The following SLC4A10 variants were observed in gnomAD, a reference collection of about 807,000 sequenced individuals.
SLC4A10 encodes solute carrier family 4 member 10, also known as sodium-driven chloride bicarbonate exchanger.
In SLC4A10, 42 loss-of-function variants were observed where a neutral mutation model predicts 137.7. The ratio of observed to expected loss-of-function variants is 0.30; its 90% CI spans 0.24 to 0.39. The LOEUF (loss-of-function observed/expected upper bound fraction) is 0.39. Among genes scored for constraint, SLC4A10 ranks in the 10% least tolerant of loss-of-function variants. The pLI is 1.00. For missense variants in SLC4A10, 925 were observed against 1,355.0 expected, an observed-to-expected ratio of 0.68 and a Z score of 4.98; for synonymous variants, 474 against 464.1, an observed-to-expected ratio of 1.02 and a Z score of -0.27.
intron 3 of SLC4A10, among the ~76,000 whole-genome samples, chr2:161,822,703 A>C (rs2057723777): frequency 6.6e-6 from 1 of 152,194 alleles, no homozygotes; most frequent in African/African-American, 2.4e-5. Flanking sequence ...GGCCAGGCGC[A>C]GTGGCTCATG....
chr2:161,640,368 A>G (rs1261224219), intron 1 of SLC4A10, among the ~76,000 whole-genome samples: 1 of 152,134 alleles, frequency 6.6e-6, no homozygotes, highest in Non-Finnish European at 1.5e-5. Context: ...GGAATGAACC[A>G]TGTCATTAAG....
intron 3 of SLC4A10, among the ~76,000 whole-genome samples, chr2:161,811,609 C>T (rs552145754): frequency 9.2e-5 from 14 of 152,062 alleles, no homozygotes; most frequent in Non-Finnish European, 1.9e-4. Flanking sequence ...CAACTTTCTT[C>T]GCCTTCTTCA....
intron 3 of SLC4A10, among the ~76,000 whole-genome samples, chr2:161,810,896 C>T (rs1334986219): frequency 6.6e-6 from 1 of 151,750 alleles, no homozygotes; most frequent in Non-Finnish European, 1.5e-5. Flanking sequence ...TAGTGAGAAG[C>T]CTCCCCTCAT....
intron 19 of SLC4A10, among the ~76,000 whole-genome samples, chr2:161,955,679 A>G (rs1299153806): frequency 6.6e-6 from 1 of 152,224 alleles, no homozygotes; most frequent in Non-Finnish European, 1.5e-5. Flanking sequence ...AAACAAGAAA[A>G]CAAAATCACA....
At chr2:161,698,006 T>C (rs941735983) in intron 1 of SLC4A10, among the ~76,000 whole-genome samples, 1 of 152,228 alleles carries the variant, frequency 6.6e-6, no homozygotes, top group Non-Finnish European at 1.5e-5. Context: ...GTAGTTCTCC[T>C]TGAAGAGGTC....
In SLC4A10 at chr2:161,955,611, A is replaced by G. The variant is rs188102771; in HGVS notation, c.2542-1378A>G. 2.0e-3 allele frequency among the ~76,000 whole-genome samples: 305 copies of G among 152,270 alleles called. 3 individuals are homozygous for G. Among genetic ancestry groups the G allele is most frequent in the African/African-American group, 6.7e-3 (279 of 41,568 alleles). On this transcript the variant is annotated intron_variant, in intron 19 of 26. Transcript: ENST00000446997. The stretch of plus-strand genomic sequence containing the variant: ...CATCTCTTGCACTTTTATAATTTGG[A>G]AAGGATGAGCAGAAAGGAAAGAAAG...
intron 23 of SLC4A10, 149 bp downstream of exon 23, chr2:161,965,322 A>T (rs908655208): frequency 2.7e-6 from 2 of 741,088 alleles, no homozygotes; most frequent in Non-Finnish European, 2.0e-6. Flanking sequence ...TTGGAAGTTT[A>T]ATGTTTAAAA....
intron 15 of SLC4A10, among the ~76,000 whole-genome samples, chr2:161,922,971 T>C (rs951934044): frequency 1.3e-5 from 2 of 152,168 alleles, no homozygotes; most frequent in Admixed American, 6.6e-5. Flanking sequence ...TATTAATAAC[T>C]ACAAAGGCAA....
At chr2:161,697,831 C>T (rs1471585134) in intron 1 of SLC4A10, among the ~76,000 whole-genome samples, 3 of 152,094 alleles carry the variant, frequency 2.0e-5, no homozygotes, top group Non-Finnish European at 4.4e-5. Context: ...AGTTTTTTTC[C>T]AACTCTGTGA....
At position 161,950,869 on chromosome 2, in the gene SLC4A10, T is replaced by C. The variant is rs1451831418; in HGVS notation, c.2541+21T>C. On this transcript the variant is annotated intron_variant, in intron 19 of 26. Coordinates refer to ENST00000446997, the MANE Select transcript of SLC4A10 (RefSeq NM_001178015.2). The stretch of plus-strand genomic sequence containing the variant: ...TAAAGGTATATTTTAACATCCATTT[T>C]AATGTAAATAATTATGACAACTGAT... 4 of 1,549,734 alleles carry C rather than the reference T, an allele frequency of 2.6e-6. No homozygotes were observed. In the South Asian group the frequency reaches 4.8e-5, roughly 19 times the overall value.
intron 2 of SLC4A10, among the ~76,000 whole-genome samples, chr2:161,779,702 A>G (rs1209618875): frequency 6.6e-6 from 1 of 152,048 alleles, no homozygotes; most frequent in African/African-American, 2.4e-5. Context: ...TTTACCTCTA[A>G]AATCTTATGC....
At chr2:161,640,386 T>C (rs1312502637) in intron 1 of SLC4A10, among the ~76,000 whole-genome samples, 1 of 152,202 alleles carries the variant, frequency 6.6e-6, no homozygotes, top group African/African-American at 2.4e-5. Flanking sequence ...AAGGAGCTGC[T>C]GGGCTCATTT....
intron 3 of SLC4A10, among the ~76,000 whole-genome samples, chr2:161,823,813 A>T (rs967908398): frequency 6.6e-6 from 1 of 152,188 alleles, no homozygotes. Flanking sequence ...TTCTGGGGGG[A>T]AAATGCCACA....
chr2:161,749,129 A>G (rs556188799), intron 1 of SLC4A10, among the ~76,000 whole-genome samples: 222 of 151,868 alleles, frequency 1.5e-3, no homozygotes, highest in African/African-American at 5.2e-3. Flanking sequence ...TTGATTTTGT[A>G]TTTTGCTACT....
chr2:161,885,874 G>A (rs2062228226), intron 10 of SLC4A10, among the ~76,000 whole-genome samples: 1 of 152,146 alleles, frequency 6.6e-6, no homozygotes, highest in South Asian at 2.1e-4. Context: ...AGCCTAAGGC[G>A]AGTGGATCAC....
chr2:161,928,156 A>G (rs1307125256), intron 15 of SLC4A10, among the ~76,000 whole-genome samples: 1 of 149,758 alleles, frequency 6.7e-6, no homozygotes, highest in African/African-American at 2.5e-5. Flanking sequence ...GATTAAGAAA[A>G]TGTGGCACAT....
chr2:161,889,598 A>G (rs1468976844), intron 10 of SLC4A10, among the ~76,000 whole-genome samples: 5 of 152,096 alleles, frequency 3.3e-5, no homozygotes, highest in African/African-American at 1.2e-4. Context: ...CCCTGATGGC[A>G]GTTTGTATTT....
intron 2 of SLC4A10, among the ~76,000 whole-genome samples, chr2:161,773,967 C>A (rs2051999447): frequency 6.6e-6 from 1 of 151,728 alleles, no homozygotes; most frequent in Non-Finnish European, 1.5e-5. Context: ...ATCTCCTCTC[C>A]CTTCCATTCC....
intron 4 of SLC4A10, among the ~76,000 whole-genome samples, chr2:161,842,826 G>T (rs946279274): frequency 6.6e-6 from 1 of 152,014 alleles, no homozygotes; most frequent in African/African-American, 2.4e-5. Context: ...TTTTTCCACA[G>T]ATTAGTGATA....
Sources: gnomAD v4.1 joint callset for allele counts (sites outside exome capture counted in the v4.1 genomes callset) on GRCh38, gnomAD v4.1.1 for gene constraint, MANE v1.5 for transcripts, NCBI Gene and HGNC (gene_info 2026-07-23, HGNC 2026-07-21) for gene names.